The following NFIL3 variants were observed in gnomAD, a reference collection of about 807,000 sequenced individuals.
NFIL3 encodes the protein nuclear factor interleukin-3-regulated protein.
NFIL3 carries 5 observed loss-of-function variants against 10.0 expected under a neutral mutation model. That is an observed-to-expected ratio of 0.50 (90% confidence interval 0.26 to 1.06). NFIL3 has a LOEUF of 1.06. Among genes scored for constraint, NFIL3 ranks in the 50% least tolerant of loss-of-function variants. The probability of loss-of-function intolerance (pLI) is 0.13; values close to 1 mark genes in which losing one functional copy is unlikely to be tolerated. For missense variants in NFIL3, 436 were observed against 547.6 expected, an observed-to-expected ratio of 0.80 and a Z score of 2.03; for synonymous variants, 202 against 206.5, an observed-to-expected ratio of 0.98 and a Z score of 0.19.
At chr9:91,449,314 A>G in the NFIL3 span, among the ~76,000 whole-genome samples, 1 of 152,142 alleles carries the variant, frequency 6.6e-6, no homozygotes, top group Non-Finnish European at 1.5e-5. Flanking sequence ...GTTTTTTGCC[A>G]TAGAGTATAA....
chr9:91,414,650 A>G (rs1357953971), intron 1 of NFIL3, among the ~76,000 whole-genome samples: 1 of 152,236 alleles, frequency 6.6e-6, no homozygotes, highest in Non-Finnish European at 1.5e-5. Flanking sequence ...TATGTATTAC[A>G]TTCATGGTCT....
the NFIL3 span, among the ~76,000 whole-genome samples, chr9:91,443,540 G>A: frequency 5.9e-5 from 9 of 152,360 alleles, no homozygotes; most frequent in South Asian, 2.1e-4. Context: ...AGGCCAAGGC[G>A]GCAGGGGGCT....
the NFIL3 span, among the ~76,000 whole-genome samples, chr9:91,449,369 A>G: frequency 6.6e-6 from 1 of 152,106 alleles, no homozygotes; most frequent in Non-Finnish European, 1.5e-5. Flanking sequence ...CATATGAGAA[A>G]TTTCCCTCCT....
rs747854683 is a variant in NFIL3 at position 91,410,640 on chromosome 9, A to G, written c.95T>C (p.Leu32Ser). ...TGTGGAGTCTTCTGACACTTCCGTT[A>G]AAGCAGAATTAAGGACCATCATCTT... ...VDKMMVLNSA[L>S]TEVSEDSTTG... is the part of the protein sequence containing the mutation. The change falls in exon 2 of 2, where the codon TTA becomes TCA. Residue 32 changes from leucine (L) to serine (S), a missense_variant. Physicochemically the swap from Leu to Ser is moderately radical, Grantham distance 145. This residue lies in a region of NFIL3 where 76 missense variants were observed against 73.0 expected (regional missense o/e 1.04). Transcript: ENST00000297689. This position sits in a 1 kb window ranked among gnomAD's most constrained non-coding sequence, Gnocchi z 5.7. The G allele has an allele frequency of 6.2e-7, 1 of 1,614,222 alleles. No homozygotes were observed. The highest frequency in any genetic ancestry group is 2.2e-5 in the East Asian group (1 of 44,888).
chr9:91,442,787 G>A, the NFIL3 span, among the ~76,000 whole-genome samples: 1 of 152,178 alleles, frequency 6.6e-6, no homozygotes, highest in Non-Finnish European at 1.5e-5. Flanking sequence ...CAGACCCAAA[G>A]AGGGTGCCAC....
the NFIL3 span, among the ~76,000 whole-genome samples, chr9:91,445,293 T>C: frequency 6.6e-6 from 1 of 152,144 alleles, no homozygotes; most frequent in South Asian, 2.1e-4. Flanking sequence ...TGACTCTGGA[T>C]TCTGAGAATG....
At chr9:91,472,064 G>A in the NFIL3 span, among the ~76,000 whole-genome samples, 126 of 152,278 alleles carry the variant, frequency 8.3e-4, no homozygotes, top group African/African-American at 2.5e-3. Context: ...GGTTTCTGCC[G>A]AGAGATCAGC....
At chr9:91,432,450 G>T in the NFIL3 span, among the ~76,000 whole-genome samples, 1 of 152,206 alleles carries the variant, frequency 6.6e-6, no homozygotes, top group Non-Finnish European at 1.5e-5. Context: ...GGGAAACTCA[G>T]GCCCAGCCAA....
the NFIL3 span, among the ~76,000 whole-genome samples, chr9:91,478,600 T>A: frequency 6.6e-6 from 1 of 152,222 alleles, no homozygotes; most frequent in Admixed American, 6.5e-5. Context: ...CTCCTTTAGC[T>A]CGGAGGAGTT....
intron 1 of NFIL3, among the ~76,000 whole-genome samples, chr9:91,414,368 T>C (rs1833612573): frequency 6.6e-6 from 1 of 152,144 alleles, no homozygotes; most frequent in Non-Finnish European, 1.5e-5. Context: ...TAAGCCCAGC[T>C]ACTTTTGTAT....
chr9:91,437,397 T>C, the NFIL3 span, among the ~76,000 whole-genome samples: 3 of 152,336 alleles, frequency 2.0e-5, no homozygotes, highest in Non-Finnish European at 2.9e-5. Context: ...TAATCATTTA[T>C]ACTTAAGATG....
At chr9:91,463,624 T>C in the NFIL3 span, among the ~76,000 whole-genome samples, 20 of 151,688 alleles carry the variant, frequency 1.3e-4, no homozygotes, top group African/African-American at 4.8e-4. Context: ...TTGAAAAGAA[T>C]GTGCATTCTG....
the NFIL3 span, among the ~76,000 whole-genome samples, chr9:91,460,748 G>C: frequency 6.6e-6 from 1 of 152,168 alleles, no homozygotes; most frequent in African/African-American, 2.4e-5. Flanking sequence ...GCATACACCT[G>C]AGTCTTTAGT....
the NFIL3 span, among the ~76,000 whole-genome samples, chr9:91,476,132 A>G: frequency 6.6e-6 from 1 of 152,246 alleles, no homozygotes; most frequent in Admixed American, 6.5e-5. Flanking sequence ...AAGATAATGT[A>G]AGGCTTTCTA....
the NFIL3 span, among the ~76,000 whole-genome samples, chr9:91,453,210 C>T: frequency 5.9e-5 from 9 of 151,978 alleles, no homozygotes; most frequent in African/African-American, 2.2e-4. Context: ...ATGTTTGTAT[C>T]TGAATATCCT....
At chr9:91,456,639 G>A in the NFIL3 span, among the ~76,000 whole-genome samples, 2,957 of 152,006 alleles carry the variant, frequency 0.019, 40 homozygotes, top group Non-Finnish European at 0.03. Flanking sequence ...TTTTCTCAGT[G>A]TATGGCTAGC....
chr9:91,445,429 G>A, the NFIL3 span, among the ~76,000 whole-genome samples: 1 of 152,336 alleles, frequency 6.6e-6, no homozygotes, highest in East Asian at 1.9e-4. Context: ...TATTCCCCAT[G>A]GAGTGGGCAT....
the NFIL3 span, among the ~76,000 whole-genome samples, chr9:91,470,512 C>CT: frequency 2.0e-5 from 3 of 151,868 alleles, no homozygotes; most frequent in African/African-American, 4.8e-5. Context: ...TTTTATGTCT[C>CT]TATCTTCTTC....
the NFIL3 span, among the ~76,000 whole-genome samples, chr9:91,433,062 A>G: frequency 4.6e-5 from 7 of 152,336 alleles, 1 homozygote; most frequent in South Asian, 1.5e-3. Context: ...AGCCATTGCA[A>G]TGAGACAGGA....
Sources: allele counts gnomAD v4.1 joint callset (sites outside exome capture counted in the v4.1 genomes callset), GRCh38; gene constraint gnomAD v4.1.1; regional missense constraint gnomAD v4.1.1; non-coding constraint Gnocchi (gnomAD v3.1); transcripts MANE v1.5; gene names NCBI Gene and HGNC (gene_info 2026-07-23, HGNC 2026-07-21).